GRIK1: variants seen among roughly 807,000 people sequenced by gnomAD.
The protein encoded by GRIK1 is glutamate receptor ionotropic, kainate 1.
In GRIK1, 69 loss-of-function variants were observed where a neutral mutation model predicts 105.7. The ratio of observed to expected loss-of-function variants is 0.65; its 90% confidence interval spans 0.54 to 0.80. The LOEUF is 0.80. Ranked by LOEUF, GRIK1 falls within the 30% of genes least tolerant of loss-of-function variation. The pLI is 0.00. For synonymous variants in GRIK1, 438 were observed against 431.3 expected (o/e 1.02, Z -0.19); for missense variants, 1,109 against 1,167.3 (o/e 0.95, Z 0.73).
intron 1 of GRIK1, among the ~76,000 whole-genome samples, chr21:29,805,440 T>C (rs532986821): frequency 6.6e-6 from 1 of 152,276 alleles, no homozygotes; most frequent in African/African-American, 2.4e-5. Context: ...CCAGTGTTAT[T>C]AGCCAATAAA....
chr21:29,651,742 A>G (rs1002963763), intron 5 of GRIK1, among the ~76,000 whole-genome samples: 3 of 151,898 alleles, frequency 2.0e-5, no homozygotes, highest in African/African-American at 7.3e-5. Context: ...ATTAATCTTT[A>G]TCCTAGGTTT....
intron 7 of GRIK1, among the ~76,000 whole-genome samples, chr21:29,619,135 A>G (rs937403995): frequency 6.8e-6 from 1 of 147,818 alleles, no homozygotes; most frequent in African/African-American, 2.5e-5. Flanking sequence ...AAAAAAAAAA[A>G]AAAAAAAAGA....
chr21:29,702,482 C>T (rs2063830547), intron 1 of GRIK1, among the ~76,000 whole-genome samples: 1 of 152,006 alleles, frequency 6.6e-6, no homozygotes, highest in South Asian at 2.1e-4. Flanking sequence ...TTTAAAGAGG[C>T]AGATGGGTCA....
chr21:29,635,365 T>G (rs1188877404), intron 7 of GRIK1, among the ~76,000 whole-genome samples: 1 of 151,918 alleles, frequency 6.6e-6, no homozygotes, highest in East Asian at 1.9e-4. Context: ...GTGGTAGAGG[T>G]GATTGCTGAA....
chr21:29,600,991 T>C (rs80048850), intron 7 of GRIK1, among the ~76,000 whole-genome samples: 6,327 of 152,304 alleles, frequency 0.042, 145 homozygotes, highest in East Asian at 0.09. Flanking sequence ...CGTTGGAGGT[T>C]GTGATGGTTA....
chr21:29,684,397 T>A (rs1419862376), intron 3 of GRIK1, among the ~76,000 whole-genome samples: 1 of 152,208 alleles, frequency 6.6e-6, no homozygotes, highest in East Asian at 1.9e-4. Flanking sequence ...ATCTATCTAA[T>A]CTATCATCTA....
intron 1 of GRIK1, among the ~76,000 whole-genome samples, chr21:29,859,486 T>TC (rs1208897290): frequency 6.6e-6 from 1 of 152,218 alleles, no homozygotes; most frequent in East Asian, 1.9e-4. Context: ...TCCACTGCCC[T>TC]CTCTTCTAGC....
At chr21:29,934,620 G>A (rs1569230811) in intron 1 of GRIK1, among the ~76,000 whole-genome samples, 1 of 152,136 alleles carries the variant, frequency 6.6e-6, no homozygotes, top group Non-Finnish European at 1.5e-5. Flanking sequence ...TATACTGTGT[G>A]TACTTGGCAT....
intron 7 of GRIK1, among the ~76,000 whole-genome samples, chr21:29,614,443 C>T (rs964558192): frequency 3.7e-5 from 4 of 109,266 alleles, no homozygotes; most frequent in African/African-American, 9.8e-5. Context: ...GACGGAGTTT[C>T]GCCCTTGTTG....
intron 1 of GRIK1, among the ~76,000 whole-genome samples, chr21:29,702,010 T>G (rs979791769): frequency 4.6e-5 from 7 of 152,112 alleles, no homozygotes; most frequent in South Asian, 2.1e-4. Context: ...GAAGTCCAAG[T>G]GAAGCCATCA....
intron 1 of GRIK1, among the ~76,000 whole-genome samples, chr21:29,771,811 T>C (rs1601653486): frequency 1.3e-5 from 2 of 152,368 alleles, no homozygotes; most frequent in African/African-American, 4.8e-5. Flanking sequence ...TATTGCCAGC[T>C]GGCAAATAGC....
chr21:29,925,866 G>A (rs2071352797), intron 1 of GRIK1, among the ~76,000 whole-genome samples: 1 of 152,240 alleles, frequency 6.6e-6, no homozygotes. Context: ...TCCCTTGTAT[G>A]CACATGTACT....
At chr21:29,712,819 G>T (rs1278781376) in intron 1 of GRIK1, among the ~76,000 whole-genome samples, 1 of 151,914 alleles carries the variant, frequency 6.6e-6, no homozygotes, top group East Asian at 1.9e-4. Flanking sequence ...AACTTCTTTT[G>T]ACCTCTTTTT....
intron 7 of GRIK1, among the ~76,000 whole-genome samples, chr21:29,639,349 G>A (rs765597315): frequency 2.3e-4 from 35 of 152,194 alleles, no homozygotes; most frequent in Non-Finnish European, 1.3e-4. Flanking sequence ...GGAGATAGAC[G>A]TGGAAACAAA....
chr21:29,709,154 T>G (rs2146805057), intron 1 of GRIK1, among the ~76,000 whole-genome samples: 1 of 152,274 alleles, frequency 6.6e-6, no homozygotes, highest in South Asian at 2.1e-4. Flanking sequence ...GTCATATAAT[T>G]TAATTTCTGG....
chr21:29,878,155 T>C (rs1275887775), intron 1 of GRIK1, among the ~76,000 whole-genome samples: 3 of 152,006 alleles, frequency 2.0e-5, no homozygotes, highest in African/African-American at 7.2e-5. Context: ...GAGAATGGAA[T>C]TGGTAGGAAA....
chr21:29,764,290 G>A (rs1369446451), intron 1 of GRIK1, among the ~76,000 whole-genome samples: 1 of 152,144 alleles, frequency 6.6e-6, no homozygotes, highest in African/African-American at 2.4e-5. Context: ...TAGTGCCACA[G>A]AAAACACTTT....
At chr21:29,560,285 TTCTTTC>T (rs1340049654) in intron 15 of GRIK1, among the ~76,000 whole-genome samples, 2 of 57,380 alleles carry the variant, frequency 3.5e-5, no homozygotes, top group African/African-American at 1.7e-4. Context: ...ACAGTTTTCT[TTCTTTC>T]TTTCTTTCTT....
chr21:29,659,489 GATAAC>G (rs1200940924), intron 4 of GRIK1, among the ~76,000 whole-genome samples: 5 of 152,150 alleles, frequency 3.3e-5, no homozygotes, highest in Admixed American at 1.3e-4. Context: ...ATTCCATCTA[GATAAC>G]ATAATCCTTA....
Sources: allele counts gnomAD v4.1 joint callset (sites outside exome capture counted in the v4.1 genomes callset), GRCh38; gene constraint gnomAD v4.1.1; transcripts MANE v1.5; gene names NCBI Gene and HGNC (gene_info 2026-07-23, HGNC 2026-07-21).